ATP6V0D2: variants seen among roughly 807,000 people sequenced by gnomAD.
ATP6V0D2 encodes the protein ATPase H+ transporting V0 subunit d2, also known as V-type proton ATPase subunit d 2.
Under a neutral mutation model 40.0 loss-of-function variants are expected in ATP6V0D2, and 40 were observed. That is an observed-to-expected ratio of 1.00 (90% CI 0.78 to 1.30). ATP6V0D2 has a LOEUF of 1.30. Among genes scored for constraint, ATP6V0D2 ranks in the 50% most tolerant of loss-of-function variants. The probability of loss-of-function intolerance (pLI) is 0.00; values close to 1 mark genes in which losing one functional copy is unlikely to be tolerated. For synonymous variants in ATP6V0D2, 179 were observed against 156.3 expected (o/e 1.15, Z -1.08); for missense variants, 470 against 423.1 (o/e 1.11, Z -0.97).
intron 1 of ATP6V0D2, among the ~76,000 whole-genome samples, chr8:86,100,667 T>TTTATAAA (rs1818385125): frequency 6.6e-6 from 1 of 152,110 alleles, no homozygotes; most frequent in Non-Finnish European, 1.5e-5. Context: ...CATATTAAAA[T>TTTATAAA]AAGAGTTTGG....
In ATP6V0D2 at chr8:86,151,490, G is replaced by A. The variant is rs760070092; in HGVS notation, c.841G>A (p.Val281Ile). ...YGVYKPLFEA[V>I]GGSGGKTLED... ...GGTATACAAACCTTTATTTGAAGCT[G>A]TAGGTGGCAGTGGGGGAAAGACATT... The change falls in exon 7 of 8, where the codon GTA becomes ATA. Residue 281 changes from valine to isoleucine, a missense_variant. By Grantham distance (29) the Val-to-Ile change is conservative. Transcript: ENST00000285393. 14 of 1,606,400 alleles carry A rather than the reference G, an allele frequency of 8.7e-6. No homozygotes were observed. In the African/African-American group the frequency reaches 1.7e-4, roughly 20 times the overall value.
intron 5 of ATP6V0D2, among the ~76,000 whole-genome samples, chr8:86,144,051 G>C (rs541420943): frequency 6.6e-6 from 1 of 152,214 alleles, no homozygotes; most frequent in Non-Finnish European, 1.5e-5. Context: ...ATTCACAGTT[G>C]GTAAGCTCAT....
chr8:86,142,875 A>T lies in ATP6V0D2; in HGVS notation c.562-2A>T. On this transcript the variant is annotated splice_acceptor_variant, in intron 4 of 7. Transcript: ENST00000285393. LOFTEE classifies it high-confidence loss of function. ...CACTTTATGATCTTTTTTCTTTTTA[A>T]GTCTTACCTTGAGGCATTCTATAAA... 1 of 1,580,288 alleles carries T rather than the reference A, an allele frequency of 6.3e-7. No homozygotes were observed. Among genetic ancestry groups the T allele is most frequent in the Admixed American group, 1.7e-5 (1 of 58,832 alleles).
At chr8:86,107,376 T>C (rs1241951406) in intron 1 of ATP6V0D2, among the ~76,000 whole-genome samples, 1 of 152,208 alleles carries the variant, frequency 6.6e-6, no homozygotes, top group Non-Finnish European at 1.5e-5. Context: ...GGGAAAACTC[T>C]GAAAAACCTT....
chr8:86,135,712 G>A (rs930998907), intron 2 of ATP6V0D2, among the ~76,000 whole-genome samples: 1 of 152,154 alleles, frequency 6.6e-6, no homozygotes, highest in African/African-American at 2.4e-5. Context: ...TTTTACAGGT[G>A]TCAAAGGACA....
At chr8:86,104,241 T>C (rs532455971) in intron 1 of ATP6V0D2, among the ~76,000 whole-genome samples, 4 of 152,298 alleles carry the variant, frequency 2.6e-5, no homozygotes, top group Admixed American at 1.3e-4. Flanking sequence ...CAGGGTCTTA[T>C]GTTGCCCAGG....
At chr8:86,148,805 G>A (rs942419423) in intron 5 of ATP6V0D2, among the ~76,000 whole-genome samples, 3 of 151,968 alleles carry the variant, frequency 2.0e-5, no homozygotes, top group Admixed American at 2.0e-4. Context: ...GGGCGTGGTG[G>A]CTCATGCCTA....
In ATP6V0D2 at chr8:86,134,820, T is replaced by C. The variant is rs147571322; in HGVS notation, c.303-4637T>C. Among the ~76,000 whole-genome samples, 194 of 152,298 alleles carry C rather than the reference T, an allele frequency of 1.3e-3. 3 individuals carry two copies. The highest frequency in any genetic ancestry group is 4.5e-3 in the African/African-American group (187 of 41,574). On this transcript the variant is annotated intron_variant, in intron 2 of 7. Transcript: ENST00000285393. ...GGTTAAATACACTGTGGTATATCAA[T>C]ACCATGGAATACTACTCACCAATAA... is the stretch of plus-strand genomic sequence containing the variant.
At chr8:86,143,689 A>G (rs1052200339) in intron 5 of ATP6V0D2, among the ~76,000 whole-genome samples, 66 of 152,252 alleles carry the variant, frequency 4.3e-4, no homozygotes, top group African/African-American at 1.5e-3. Flanking sequence ...TATGACCTGT[A>G]TCTTGTGCTA....
intron 7 of ATP6V0D2, among the ~76,000 whole-genome samples, chr8:86,152,460 AATG>A (rs1277579095): frequency 1.3e-5 from 2 of 152,188 alleles, no homozygotes; most frequent in African/African-American, 4.8e-5. Context: ...CGCTGGGTCA[AATG>A]ATATTTCTGG....
At chr8:86,112,988 C>T (rs1487301063) in intron 1 of ATP6V0D2, among the ~76,000 whole-genome samples, 2 of 152,136 alleles carry the variant, frequency 1.3e-5, no homozygotes, top group Non-Finnish European at 2.9e-5. Context: ...TGCCACCTGC[C>T]CCCACACCCA....
chr8:86,145,236 A>AAAGAAAGAAG (rs1819039507), intron 5 of ATP6V0D2, among the ~76,000 whole-genome samples: 1 of 38,910 alleles, frequency 2.6e-5, no homozygotes, highest in African/African-American at 1.6e-4. Context: ...AGAAAGAAAG[A>AAAGAAAGAAG]GAGAGAGAGA....
At chr8:86,140,211 C>T (rs142065146) in intron 3 of ATP6V0D2, among the ~76,000 whole-genome samples, 1 of 151,970 alleles carries the variant, frequency 6.6e-6, no homozygotes, top group Non-Finnish European at 1.5e-5. Context: ...GTTCAAAATG[C>T]TAAAGAGATA....
chr8:86,108,240 C>A (rs1008225613), intron 1 of ATP6V0D2, among the ~76,000 whole-genome samples: 8 of 152,194 alleles, frequency 5.3e-5, no homozygotes, highest in African/African-American at 1.7e-4. Flanking sequence ...CTCCCAGGCT[C>A]AAGCAATTCT....
intron 2 of ATP6V0D2, among the ~76,000 whole-genome samples, chr8:86,129,803 A>AG (rs1818793695): frequency 1.3e-5 from 2 of 148,522 alleles, no homozygotes; most frequent in Non-Finnish European, 3.0e-5. Flanking sequence ...CCTCTGTCTC[A>AG]GGAAAAAAAA....
At chr8:86,129,534 G>A (rs982125783) in intron 2 of ATP6V0D2, among the ~76,000 whole-genome samples, 1 of 151,764 alleles carries the variant, frequency 6.6e-6, no homozygotes, top group Admixed American at 6.6e-5. Flanking sequence ...AAAATTGGCC[G>A]GGCACAGTGT....
intron 1 of ATP6V0D2, among the ~76,000 whole-genome samples, chr8:86,104,838 G>C (rs1343017880): frequency 1.2e-5 from 1 of 85,680 alleles, no homozygotes; most frequent in Non-Finnish European, 2.6e-5. Flanking sequence ...ATTCTCTCCT[G>C]TTTAAAACAC....
At chr8:86,129,590 T>A (rs1295211522) in intron 2 of ATP6V0D2, among the ~76,000 whole-genome samples, 9 of 152,058 alleles carry the variant, frequency 5.9e-5, no homozygotes, top group Non-Finnish European at 5.9e-5. Flanking sequence ...GGCCTGCAGA[T>A]CATCTGAGGT....
At chr8:86,149,125 G>T (rs1371963075) in intron 5 of ATP6V0D2, among the ~76,000 whole-genome samples, 1 of 151,228 alleles carries the variant, frequency 6.6e-6, no homozygotes, top group African/African-American at 2.4e-5. Flanking sequence ...AGTGTAGTGG[G>T]GAGAAATGCA....
Sources: gnomAD v4.1 joint callset for allele counts (sites outside exome capture counted in the v4.1 genomes callset) on GRCh38, gnomAD v4.1.1 for gene constraint, MANE v1.5 for transcripts, NCBI Gene and HGNC (gene_info 2026-07-23, HGNC 2026-07-21) for gene names.